Variants in THSD7B observed in about 807,000 individuals in gnomAD.
THSD7B encodes thrombospondin type-1 domain-containing protein 7B.
A neutral mutation model predicts 213.6 loss-of-function variants in THSD7B; 138 were observed. That is an observed-to-expected ratio of 0.65 (90% confidence interval 0.56 to 0.74). The LOEUF is 0.74. THSD7B is among the 30% of genes least tolerant of loss of function. THSD7B has a pLI of 0.00. For missense variants in THSD7B, 1,931 were observed against 1,991.5 expected (o/e 0.97, Z 0.58); for synonymous variants, 742 against 687.0 (o/e 1.08, Z -1.25).
chr2:137,659,591 TAA>T, intron 24 of THSD7B, 71 bp from the exon 25 acceptor site: 1 of 1,365,992 alleles, frequency 7.3e-7, no homozygotes, highest in Non-Finnish European at 9.9e-7. Context: ...TGGCACAGGT[TAA>T]AAAAAAATAC....
chr2:136,913,147 C>A lies in THSD7B; in HGVS notation c.139+30830C>A, dbSNP rs566186221. 2.6e-5 allele frequency among the ~76,000 whole-genome samples: 4 copies of A among 152,284 alleles called. No homozygotes were observed. The South Asian group carries it at 6.2e-4, about 24-fold the overall frequency. ...ATGAGGAACTTTTTGGGAACTGGAGCAAAGGCGACTCTTGTTTCATTTTAG... is the reference window on the plus strand; with the variant it reads ...ATGAGGAACTTTTTGGGAACTGGAGAAAAGGCGACTCTTGTTTCATTTTAG... On this transcript the variant is annotated intron_variant, in intron 2 of 27. Coordinates refer to ENST00000409968, the MANE Select transcript of THSD7B (RefSeq NM_001316349.2).
chr2:137,051,494 C>T (rs190227768), intron 2 of THSD7B, among the ~76,000 whole-genome samples: 1 of 152,212 alleles, frequency 6.6e-6, no homozygotes, highest in East Asian at 1.9e-4. Flanking sequence ...ACTACATTAA[C>T]CTATTGGAAG....
At chr2:137,550,079 A>G (rs1231847200) in intron 15 of THSD7B, among the ~76,000 whole-genome samples, 1 of 152,024 alleles carries the variant, frequency 6.6e-6, no homozygotes, top group African/African-American at 2.4e-5. Flanking sequence ...CTCCCAGGGT[A>G]TTGGAGAAGG....
intron 2 of THSD7B, among the ~76,000 whole-genome samples, chr2:137,009,699 C>T (rs955449724): frequency 2.0e-5 from 3 of 152,122 alleles, no homozygotes; most frequent in Non-Finnish European, 1.5e-5. Context: ...ACCATGAGAA[C>T]AGTATGGGGG....
intron 1 of THSD7B, among the ~76,000 whole-genome samples, chr2:136,769,942 T>A (rs1206317491): frequency 6.6e-6 from 1 of 152,226 alleles, no homozygotes; most frequent in Admixed American, 6.5e-5. Flanking sequence ...ATGAGCCTCT[T>A]GTAATTAAAC....
At chr2:137,511,239 C>G (rs1241688117) in intron 15 of THSD7B, among the ~76,000 whole-genome samples, 1 of 151,794 alleles carries the variant, frequency 6.6e-6, no homozygotes, top group African/African-American at 2.4e-5. Flanking sequence ...TTCTTAAATT[C>G]GAGAATATTT....
At chr2:137,604,357 A>G (rs1682132864) in intron 17 of THSD7B, among the ~76,000 whole-genome samples, 1 of 152,168 alleles carries the variant, frequency 6.6e-6, no homozygotes, top group Non-Finnish European at 1.5e-5. Flanking sequence ...TATGATGGCT[A>G]TTATTAAAAC....
intron 15 of THSD7B, among the ~76,000 whole-genome samples, chr2:137,502,633 C>A (rs899959334): frequency 5.3e-5 from 8 of 151,796 alleles, no homozygotes. Flanking sequence ...CTGGAATTCT[C>A]ATCATAACTA....
intron 2 of THSD7B, among the ~76,000 whole-genome samples, chr2:136,913,186 G>T (rs190035911): frequency 1.3e-5 from 2 of 152,170 alleles, no homozygotes; most frequent in Non-Finnish European, 2.9e-5. Context: ...AGAGACTATC[G>T]GCATTTTGCC....
At chr2:137,398,919 C>T (rs1348761419) in intron 12 of THSD7B, among the ~76,000 whole-genome samples, 1 of 152,112 alleles carries the variant, frequency 6.6e-6, no homozygotes, top group Admixed American at 6.5e-5. Flanking sequence ...TGGGAGTGAC[C>T]CGATTTTCCA....
intron 1 of THSD7B, among the ~76,000 whole-genome samples, chr2:136,771,729 C>A (rs1681509494): frequency 6.6e-6 from 1 of 152,076 alleles, no homozygotes; most frequent in South Asian, 2.1e-4. Context: ...AATCTATTTT[C>A]TTATTAGCAT....
intron 14 of THSD7B, among the ~76,000 whole-genome samples, chr2:137,419,510 C>A (rs553012565): frequency 1.3e-5 from 2 of 151,544 alleles, no homozygotes; most frequent in South Asian, 4.2e-4. Context: ...GAAGTCAGGT[C>A]ATCTCTCCCT....
chr2:136,775,596 A>T (rs577193792), intron 1 of THSD7B, among the ~76,000 whole-genome samples: 1 of 152,278 alleles, frequency 6.6e-6, no homozygotes, highest in East Asian at 1.9e-4. Flanking sequence ...GGAAGTATGC[A>T]TATGGGAGGT....
chr2:137,602,861 A>C (rs1573737365), intron 17 of THSD7B, among the ~76,000 whole-genome samples: 1 of 151,948 alleles, frequency 6.6e-6, no homozygotes, highest in South Asian at 2.1e-4. Context: ...AAACCATAGC[A>C]CCTTTCAGTG....
chr2:137,411,909 T>A, intron 14 of THSD7B, 37 bp downstream of exon 14: 2 of 1,607,166 alleles, frequency 1.2e-6, no homozygotes, highest in Non-Finnish European at 8.5e-7. Context: ...ATGAGAACAC[T>A]CACACACAGC....
At chr2:137,569,214 G>C (rs1362710486) in intron 16 of THSD7B, among the ~76,000 whole-genome samples, 1 of 152,218 alleles carries the variant, frequency 6.6e-6, no homozygotes. Flanking sequence ...TTCTCTAGGA[G>C]TGCAGCTCTG....
chr2:137,578,234 T>C (rs962427118), intron 17 of THSD7B, among the ~76,000 whole-genome samples: 1 of 152,056 alleles, frequency 6.6e-6, no homozygotes, highest in African/African-American at 2.4e-5. Flanking sequence ...AAGTTGAAAT[T>C]TGAGACACAA....
chr2:137,281,014 A>T (rs1682995159), intron 12 of THSD7B, among the ~76,000 whole-genome samples: 1 of 152,104 alleles, frequency 6.6e-6, no homozygotes, highest in Non-Finnish European at 1.5e-5. Context: ...GACAGACTTG[A>T]CATTATGGCA....
chr2:136,776,920 G>A (rs991977803), intron 1 of THSD7B, among the ~76,000 whole-genome samples: 1 of 152,048 alleles, frequency 6.6e-6, no homozygotes, highest in African/African-American at 2.4e-5. Context: ...ATAGGAAAAT[G>A]ATTCTAAGAT....
Sources: gnomAD v4.1 joint callset for allele counts (sites outside exome capture counted in the v4.1 genomes callset) on GRCh38, gnomAD v4.1.1 for gene constraint, MANE v1.5 for transcripts, NCBI Gene and HGNC (gene_info 2026-07-23, HGNC 2026-07-21) for gene names.